Variants in HECW2 observed in about 807,000 individuals in gnomAD.
The protein encoded by HECW2 is HECT, C2 and WW domain containing E3 ubiquitin protein ligase 2, also known as E3 ubiquitin-protein ligase HECW2.
A neutral mutation model predicts 175.2 loss-of-function variants in HECW2; 61 were observed. That is an observed-to-expected ratio of 0.35 (90% CI 0.28 to 0.43). The LOEUF is 0.43. Ranked by LOEUF, HECW2 falls within the 20% of genes least tolerant of loss-of-function variation. The pLI is 1.00. For synonymous variants in HECW2, 671 were observed against 731.0 expected (o/e 0.92, Z 1.32); for missense variants, 1,524 against 2,000.5 (o/e 0.76, Z 4.54).
At chr2:196,591,164 C>T (rs1691176160) in intron 1 of HECW2, among the ~76,000 whole-genome samples, 2 of 152,172 alleles carry the variant, frequency 1.3e-5, no homozygotes, top group South Asian at 4.2e-4. Flanking sequence ...AGATTCATTG[C>T]CAAATGTTGC....
At chr2:196,586,193 G>A (rs1374041702) in intron 1 of HECW2, among the ~76,000 whole-genome samples, 1 of 152,120 alleles carries the variant, frequency 6.6e-6, no homozygotes, top group Non-Finnish European at 1.5e-5. Flanking sequence ...CAGTCAATGT[G>A]AACTTCCAAC....
chr2:196,320,411 T>G lies in HECW2; in HGVS notation c.913A>C (p.Arg305=), dbSNP rs771295894. The G allele has an allele frequency of 1.5e-5, 24 of 1,612,718 alleles. No homozygotes were observed. The part of the protein sequence containing the change: ...GDQMLSYNLG[R]RLPADHVSGY... ...CTCACGTGGTCAGCTGGGAGCCTTC[T>G]GCCAAGGTTGTAGCTGAGCATTTGA... Residue 305 remains arginine (R), a synonymous_variant, in exon 8 of 29, where the codon AGA becomes CGA. Transcript: ENST00000644978.
At chr2:196,562,137 G>A (rs576179253) in intron 1 of HECW2, among the ~76,000 whole-genome samples, 2 of 152,154 alleles carry the variant, frequency 1.3e-5, no homozygotes, top group African/African-American at 2.4e-5. Context: ...GAATAGATTT[G>A]CAGGTGGTTA....
intron 1 of HECW2, among the ~76,000 whole-genome samples, chr2:196,541,292 T>A (rs1689203026): frequency 6.6e-6 from 1 of 152,188 alleles, no homozygotes; most frequent in East Asian, 1.9e-4. Flanking sequence ...ATTATGTAAT[T>A]TAATTGTATA....
At chr2:196,495,237 T>C (rs1687348385) in intron 1 of HECW2, among the ~76,000 whole-genome samples, 1 of 151,720 alleles carries the variant, frequency 6.6e-6, no homozygotes, top group Admixed American at 6.6e-5. Flanking sequence ...CCAGCTAATT[T>C]TTGTATTTTT....
chr2:196,317,839 G>C (rs1346092059), intron 9 of HECW2, among the ~76,000 whole-genome samples: 2 of 152,132 alleles, frequency 1.3e-5, no homozygotes, highest in Non-Finnish European at 1.5e-5. Flanking sequence ...TCCTTACAGG[G>C]CATATTAAAG....
chr2:196,323,916 T>G (rs1357418201), intron 6 of HECW2, among the ~76,000 whole-genome samples: 1 of 32,752 alleles, frequency 3.1e-5, no homozygotes, highest in African/African-American at 8.3e-5. Flanking sequence ...TTGTTTTTTG[T>G]TTGTTTTTTT....
rs1258375418 is a variant in HECW2 at position 196,195,915 on chromosome 2, TC to T, written c.*5361del. On this transcript the variant is annotated 3_prime_UTR_variant, in exon 29 of 29. Coordinates refer to ENST00000644978, the MANE Select transcript of HECW2 (RefSeq NM_001348768.2). ...ACTGAAGTTATAAAATGAGGGTATT[TC>T]CCATCTAGTAGATCAAACTGTGCCT... 6.6e-6 allele frequency: 1 copy of T among 152,176 alleles called. No homozygotes were observed. The highest frequency in any genetic ancestry group is 1.9e-4 in the East Asian group (1 of 5,194). The allele number at this position is 152,176 out of a possible 1,614,324, so 9.4% of individuals were successfully genotyped here. A position where few individuals can be genotyped will look rare whatever the true frequency, so the allele number is the denominator to read the frequency against.
chr2:196,457,640 ACCACACTGGT>A (rs1696564403), intron 1 of HECW2, among the ~76,000 whole-genome samples: 1 of 152,206 alleles, frequency 6.6e-6, no homozygotes, highest in Admixed American at 6.5e-5. Context: ...ATGTAAGTCA[ACCACACTGGT>A]CCTTTATATT....
At chr2:196,509,117 GT>G (rs200654053) in intron 1 of HECW2, among the ~76,000 whole-genome samples, 9 of 151,468 alleles carry the variant, frequency 5.9e-5, no homozygotes, top group South Asian at 2.1e-4. Flanking sequence ...AGGATTGTGG[GT>G]TTTTTTTTAA....
At chr2:196,462,599 C>T (rs1696790162) in intron 1 of HECW2, among the ~76,000 whole-genome samples, 1 of 152,038 alleles carries the variant, frequency 6.6e-6, no homozygotes, top group Admixed American at 6.6e-5. Context: ...CCTTTAAGCC[C>T]ACTTATTTAC....
At chr2:196,370,860 G>T (rs907110400) in intron 2 of HECW2, among the ~76,000 whole-genome samples, 1 of 152,116 alleles carries the variant, frequency 6.6e-6, no homozygotes, top group African/African-American at 2.4e-5. Flanking sequence ...TCCCCTAAGC[G>T]CACAGATTCT....
intron 1 of HECW2, among the ~76,000 whole-genome samples, chr2:196,530,701 TTC>T (rs1164508821): frequency 6.6e-6 from 1 of 152,200 alleles, no homozygotes; most frequent in Non-Finnish European, 1.5e-5. Context: ...ACAATTCAAT[TTC>T]CCTAATCAGT....
chr2:196,262,695 A>G (rs575804450), intron 17 of HECW2, among the ~76,000 whole-genome samples: 13 of 152,090 alleles, frequency 8.5e-5, no homozygotes, highest in Non-Finnish European at 1.5e-4. Flanking sequence ...CCTCCAGTGT[A>G]GTTAGGATTA....
intron 18 of HECW2, among the ~76,000 whole-genome samples, chr2:196,256,132 C>G (rs1689047387): frequency 1.3e-5 from 2 of 152,032 alleles, no homozygotes; most frequent in Admixed American, 6.6e-5. Context: ...TCAATAATCA[C>G]TAATTATATT....
chr2:196,566,218 A>G lies in HECW2; in HGVS notation c.-36+27290T>C, dbSNP rs193062713. 2.5e-4 allele frequency among the ~76,000 whole-genome samples: 38 copies of G among 152,186 alleles called. No homozygotes were observed. The East Asian group carries it at 3.1e-3, about 12-fold the overall frequency. On this transcript the variant is annotated intron_variant, in intron 1 of 28. Transcript: ENST00000644978. ...CCTACTTATGCTTTATCTACATTAAAACCATTCTAAGAAACAGTGTAAATG... is the reference window on the plus strand; with the variant it reads ...CCTACTTATGCTTTATCTACATTAAGACCATTCTAAGAAACAGTGTAAATG...
At chr2:196,404,849 T>C (rs1219177642) in intron 2 of HECW2, among the ~76,000 whole-genome samples, 11 of 135,130 alleles carry the variant, frequency 8.1e-5, no homozygotes, top group Admixed American at 3.8e-4. Context: ...TTTTGAGACA[T>C]AGTCTCGCTC....
chr2:196,245,216 C>T (rs560636513), intron 19 of HECW2, among the ~76,000 whole-genome samples: 1 of 152,154 alleles, frequency 6.6e-6, no homozygotes, highest in Non-Finnish European at 1.5e-5. Context: ...ACTTGTTAAG[C>T]GCCTGCTGTA....
intron 14 of HECW2, among the ~76,000 whole-genome samples, chr2:196,282,026 T>C (rs970644779): frequency 4.6e-5 from 7 of 152,196 alleles, no homozygotes; most frequent in African/African-American, 1.7e-4. Flanking sequence ...AAATATGAGG[T>C]CCTATTATTT....
Sources: allele counts gnomAD v4.1 joint callset (sites outside exome capture counted in the v4.1 genomes callset), GRCh38; gene constraint gnomAD v4.1.1; transcripts MANE v1.5; gene names NCBI Gene and HGNC (gene_info 2026-07-23, HGNC 2026-07-21).